The following PPM1L variants were observed in gnomAD, a reference collection of about 807,000 sequenced individuals.
PPM1L encodes the protein protein phosphatase, Mg2+/Mn2+ dependent 1L.
Under a neutral mutation model 31.4 loss-of-function variants are expected in PPM1L, and 13 were observed. That is an observed-to-expected ratio of 0.41 (90% CI 0.27 to 0.66). The LOEUF is 0.66. Among genes scored for constraint, PPM1L ranks in the 30% least tolerant of loss-of-function variants. The probability of loss-of-function intolerance (pLI) is 0.29; values close to 1 mark genes in which losing one functional copy is unlikely to be tolerated. For missense variants in PPM1L, 326 were observed against 453.7 expected, an observed-to-expected ratio of 0.72 and a Z score of 2.56; for synonymous variants, 184 against 175.4, an observed-to-expected ratio of 1.05 and a Z score of -0.39.
intron 1 of PPM1L, among the ~76,000 whole-genome samples, chr3:160,887,846 G>A (rs551379700): frequency 1.3e-5 from 2 of 152,038 alleles, no homozygotes; most frequent in Admixed American, 6.5e-5. Context: ...TAAAGTGCTG[G>A]GATTATAGGC....
chr3:160,996,231 A>T (rs1171339167), intron 2 of PPM1L, among the ~76,000 whole-genome samples: 3 of 152,230 alleles, frequency 2.0e-5, no homozygotes, highest in Non-Finnish European at 4.4e-5. Flanking sequence ...AACAGTGTGG[A>T]TATTCCTTAA....
intron 1 of PPM1L, among the ~76,000 whole-genome samples, chr3:160,821,474 G>A (rs929167999): frequency 4.6e-5 from 7 of 151,808 alleles, no homozygotes; most frequent in South Asian, 2.1e-4. Context: ...CTCTAACGTC[G>A]TCAAAATATT....
chr3:160,837,893 T>C (rs1713767395), intron 1 of PPM1L, among the ~76,000 whole-genome samples: 2 of 152,206 alleles, frequency 1.3e-5, no homozygotes, highest in Admixed American at 6.5e-5. Flanking sequence ...GAAATTCTTA[T>C]TAATTTTTAA....
chr3:161,005,033 A>G (rs1234416297), intron 2 of PPM1L, among the ~76,000 whole-genome samples: 1 of 151,666 alleles, frequency 6.6e-6, no homozygotes, highest in African/African-American at 2.4e-5. Flanking sequence ...AGATTCTGGT[A>G]TGTTGTGTCT....
intron 1 of PPM1L, among the ~76,000 whole-genome samples, chr3:160,923,628 A>G (rs943005154): frequency 3.3e-5 from 5 of 152,204 alleles, no homozygotes; most frequent in Non-Finnish European, 7.4e-5. Flanking sequence ...TGTCCAGAAT[A>G]TTAAATAGAA....
chr3:161,043,237 A>G (rs1464526583), intron 2 of PPM1L, among the ~76,000 whole-genome samples: 3 of 152,002 alleles, frequency 2.0e-5, no homozygotes, highest in African/African-American at 7.2e-5. Context: ...GGGTTTAGAT[A>G]AGTGAAAGTT....
chr3:160,760,525 T>C (rs1714938760), intron 1 of PPM1L, among the ~76,000 whole-genome samples: 1 of 152,210 alleles, frequency 6.6e-6, no homozygotes, highest in East Asian at 1.9e-4. Flanking sequence ...TCACAGTGTG[T>C]GTATGTGTCT....
At chr3:160,851,218 G>A (rs1438483795) in intron 1 of PPM1L, among the ~76,000 whole-genome samples, 1 of 152,082 alleles carries the variant, frequency 6.6e-6, no homozygotes, top group Non-Finnish European at 1.5e-5. Flanking sequence ...AGCTCCTGTT[G>A]TCAGCGATGA....
intron 2 of PPM1L, among the ~76,000 whole-genome samples, chr3:160,996,441 T>G (rs1277018927): frequency 6.6e-6 from 1 of 152,202 alleles, no homozygotes; most frequent in Non-Finnish European, 1.5e-5. Context: ...ATATATATCA[T>G]GCAATACTAC....
chr3:160,892,313 G>A (rs564327268), intron 1 of PPM1L, among the ~76,000 whole-genome samples: 1 of 152,170 alleles, frequency 6.6e-6, no homozygotes, highest in Admixed American at 6.5e-5. Context: ...ATCACATGGC[G>A]AGAGCAGGAG....
At position 161,075,731 on chromosome 3, in the gene PPM1L, C is replaced by T. The variant is rs1409968727; in HGVS notation, c.*6574C>T. The T allele has an allele frequency of 6.6e-6, 1 of 152,170 alleles. No homozygotes were observed. Among genetic ancestry groups the T allele is most frequent in the East Asian group, 1.9e-4 (1 of 5,204 alleles). 9.4% of individuals were successfully genotyped at this position (152,170 alleles called of 1,614,324 possible). On this transcript the variant is annotated 3_prime_UTR_variant, in exon 4 of 4. Transcript: ENST00000498165. ...GAAAAGGAGGTGTTATAGTTTATTACATCATGAATTATGCTTTCTGTACTT... is the reference window on the plus strand; with the variant it reads ...GAAAAGGAGGTGTTATAGTTTATTATATCATGAATTATGCTTTCTGTACTT...
At chr3:161,029,233 T>C (rs915314174) in intron 2 of PPM1L, among the ~76,000 whole-genome samples, 1 of 152,206 alleles carries the variant, frequency 6.6e-6, no homozygotes, top group Non-Finnish European at 1.5e-5. Context: ...CATTTTATCC[T>C]CATAAGCACC....
At chr3:160,944,635 C>T (rs1576730913) in intron 1 of PPM1L, among the ~76,000 whole-genome samples, 1 of 145,482 alleles carries the variant, frequency 6.9e-6, no homozygotes, top group African/African-American at 2.5e-5. Context: ...TATTTTTGTA[C>T]ACCTCAAATT....
intron 1 of PPM1L, among the ~76,000 whole-genome samples, chr3:160,925,136 T>C (rs1234906052): frequency 6.6e-6 from 1 of 152,182 alleles, no homozygotes; most frequent in African/African-American, 2.4e-5. Context: ...ATTATAAATA[T>C]GGAAACTGCT....
intron 1 of PPM1L, among the ~76,000 whole-genome samples, chr3:160,792,892 C>T (rs1712143506): frequency 6.6e-6 from 1 of 152,150 alleles, no homozygotes; most frequent in Non-Finnish European, 1.5e-5. Flanking sequence ...CAATCACTCT[C>T]CCAGCACATT....
chr3:161,071,859 G>T lies in PPM1L; in HGVS notation c.*2702G>T, dbSNP rs1326917321. The T allele has an allele frequency of 6.6e-6, 1 of 152,138 alleles. No homozygotes were observed. 9.4% of individuals were successfully genotyped at this position (152,138 alleles called of 1,614,324 possible). ...TTAGGGAAATTGATTTGAGATGTTTGCATGTGAAGCTTCCCTAAGCAGCAC... is the reference window on the plus strand; with the variant it reads ...TTAGGGAAATTGATTTGAGATGTTTTCATGTGAAGCTTCCCTAAGCAGCAC... On this transcript the variant is annotated 3_prime_UTR_variant, in exon 4 of 4. Transcript: ENST00000498165.
chr3:160,867,385 A>C (rs1243051508), intron 1 of PPM1L, among the ~76,000 whole-genome samples: 2 of 119,148 alleles, frequency 1.7e-5, no homozygotes, highest in Non-Finnish European at 3.6e-5. Context: ...TTGTATTACT[A>C]TCCTTTTTTC....
At chr3:161,012,938 A>G (rs1362224788) in intron 2 of PPM1L, among the ~76,000 whole-genome samples, 1 of 151,958 alleles carries the variant, frequency 6.6e-6, no homozygotes, top group Non-Finnish European at 1.5e-5. Context: ...CTAGCGGTCT[A>G]TCAATATTGT....
chr3:161,021,303 T>G (rs1559927334), intron 2 of PPM1L, among the ~76,000 whole-genome samples: 3 of 152,082 alleles, frequency 2.0e-5, no homozygotes. Flanking sequence ...TATTTAGGAT[T>G]GTGTTCATGA....
Sources: allele counts gnomAD v4.1 joint callset (sites outside exome capture counted in the v4.1 genomes callset), GRCh38; gene constraint gnomAD v4.1.1; transcripts MANE v1.5; gene names NCBI Gene and HGNC (gene_info 2026-07-23, HGNC 2026-07-21).